The following AP3S2 variants were observed in gnomAD, a reference collection of about 807,000 sequenced individuals.
AP3S2 encodes adaptor related protein complex 3 subunit sigma 2.
A neutral mutation model predicts 23.4 loss-of-function variants in AP3S2; 22 were observed. The ratio of observed to expected loss-of-function variants is 0.94; its 90% CI spans 0.67 to 1.34. AP3S2 has a LOEUF of 1.34. AP3S2 is among the 40% of genes most tolerant of loss of function. AP3S2 has a pLI of 0.00. For missense variants in AP3S2, 241 were observed against 236.9 expected (o/e 1.02, Z -0.11); for synonymous variants, 86 against 87.1 (o/e 0.99, Z 0.07).
Position 89,832,061 on chromosome 15 carries a change from G to C in AP3S2, c.*3454C>G, listed in dbSNP as rs533494674. On this transcript the variant is annotated 3_prime_UTR_variant, in exon 6 of 6. Coordinates refer to ENST00000336418, the MANE Select transcript of AP3S2 (RefSeq NM_005829.5). ...CCTTGTTTCTCTCTTAATCTTCAGA[G>C]CCTAGAACTGAGCTTGGCCCTCACC... The C allele has an allele frequency of 1.1e-4, 17 of 152,294 alleles. No individual in the cohort carries two copies. The highest frequency in any genetic ancestry group is 3.3e-4 in the Admixed American group (5 of 15,308). The allele number at this position is 152,294 out of a possible 1,614,324, so 9.4% of individuals were successfully genotyped here.
intron 1 of AP3S2, among the ~76,000 whole-genome samples, chr15:89,890,132 C>T (rs968589070): frequency 4.0e-5 from 6 of 151,464 alleles, no homozygotes; most frequent in African/African-American, 7.3e-5. Flanking sequence ...CTCATTGCAA[C>T]CTCCACCTCC....
intron 4 of AP3S2, among the ~76,000 whole-genome samples, chr15:89,871,160 A>G (rs888807806): frequency 2.6e-5 from 4 of 152,246 alleles, no homozygotes; most frequent in African/African-American, 4.8e-5. Flanking sequence ...TATAATCAGC[A>G]TAAAACTATT....
chr15:89,844,365 T>C (rs1477343014), intron 4 of AP3S2, among the ~76,000 whole-genome samples: 1 of 151,418 alleles, frequency 6.6e-6, no homozygotes, highest in Admixed American at 6.6e-5. Context: ...AGAGACAGGG[T>C]CTTGCTCTGT....
intron 3 of AP3S2, among the ~76,000 whole-genome samples, chr15:89,885,111 G>C (rs1359855262): frequency 6.6e-6 from 1 of 151,998 alleles, no homozygotes; most frequent in African/African-American, 2.4e-5. Context: ...CCCCATTAGG[G>C]AGTCAGTTCT....
chr15:89,888,140 T>C (rs556248137), intron 3 of AP3S2, among the ~76,000 whole-genome samples: 12 of 152,322 alleles, frequency 7.9e-5, no homozygotes, highest in African/African-American at 2.9e-4. Context: ...TTCAAGTACT[T>C]AAAAGAAGCT....
intron 3 of AP3S2, chr15:89,886,534 A>G (rs1398620078): frequency 6.6e-6 from 1 of 152,044 alleles, no homozygotes; most frequent in Non-Finnish European, 1.5e-5. Flanking sequence ...GCATAGTGGC[A>G]ATGCTAATCT....
rs1189247510 is a variant in AP3S2 at position 89,833,217 on chromosome 15, G to A, written c.*2298C>T. On this transcript the variant is annotated 3_prime_UTR_variant, in exon 6 of 6. Coordinates refer to ENST00000336418, the MANE Select transcript of AP3S2 (RefSeq NM_005829.5). Reference sequence around the variant, plus strand: ...CGGCTTCAACATCAGTTAAATGGAGGGACACAGACGACTCTTTGGCTCTTA... The same window carrying A: ...CGGCTTCAACATCAGTTAAATGGAGAGACACAGACGACTCTTTGGCTCTTA... The A allele has an allele frequency of 1.3e-5, 2 of 152,124 alleles. No individual in the cohort carries two copies. Among genetic ancestry groups the A allele is most frequent in the African/African-American group, 4.8e-5 (2 of 41,406 alleles). 9.4% of individuals were successfully genotyped at this position (152,124 alleles called of 1,614,324 possible).
At chr15:89,889,021 G>A in intron 2 of AP3S2, 28 bp downstream of exon 2, 8 of 1,613,458 alleles carry the variant, frequency 5.0e-6, no homozygotes, top group Non-Finnish European at 1.7e-6. Flanking sequence ...GTGGATATAT[G>A]GGGAGAAAAA....
rs538744384 is a variant in AP3S2, at chr15:89,852,401, C to T, written c.346-14679G>A. The T allele has an allele frequency of 2.0e-5, 3 of 152,362 alleles. No individual in the cohort carries two copies. In the South Asian group the frequency reaches 6.2e-4, roughly 32 times the overall value. 9.4% of individuals were successfully genotyped at this position (152,362 alleles called of 1,614,324 possible). On this transcript the variant is annotated intron_variant, in intron 4 of 5. Transcript: ENST00000336418. ...GGATTCTGTTCTTTGGCTCCTGCAA[C>T]AGTATAGATCCTTCACTCTGGTGAC...
Position 89,837,678 on chromosome 15 carries a change from C to T in AP3S2, c.390G>A (p.Leu130=). Residue 130 remains leucine, a synonymous_variant, in exon 5 of 6, where the codon TTG becomes TTA. Transcript: ENST00000336418. The stretch of plus-strand genomic sequence containing the variant: ...CCACGATTTCATTCATGTTTGTTTC[C>T]AACACCATCCCACCCATCACCACCT... The part of the protein sequence containing the change: ...LQEVVMGGMV[L]ETNMNEIVAQ... 1.2e-6 allele frequency: 2 copies of T among 1,614,122 alleles called. No individual in the cohort carries two copies.
At chr15:89,859,940 T>A (rs1895973344) in intron 4 of AP3S2, among the ~76,000 whole-genome samples, 2 of 151,666 alleles carry the variant, frequency 1.3e-5, no homozygotes, top group South Asian at 4.2e-4. Context: ...ATTTTTTGTA[T>A]TTTTTAGTAG....
intron 4 of AP3S2, among the ~76,000 whole-genome samples, chr15:89,868,799 C>T (rs1156625251): frequency 6.0e-5 from 7 of 116,124 alleles, no homozygotes; most frequent in Admixed American, 1.6e-4. Context: ...CCCGGCCAGC[C>T]GCCCCGTCCG....
chr15:89,892,576 G>GA (rs1026337523), intron 1 of AP3S2, among the ~76,000 whole-genome samples: 1 of 152,070 alleles, frequency 6.6e-6, no homozygotes, highest in Non-Finnish European at 1.5e-5. Flanking sequence ...AACCCTGTTA[G>GA]AAAAAAACTA....
intron 4 of AP3S2, among the ~76,000 whole-genome samples, chr15:89,844,261 T>TA: frequency 3.2e-5 from 1 of 30,810 alleles, no homozygotes; most frequent in Non-Finnish European, 7.8e-5. Context: ...CTTTCTTTCT[T>TA]TCTTTCTTTC....
chr15:89,885,784 T>C (rs1402669717), intron 3 of AP3S2, among the ~76,000 whole-genome samples: 1 of 151,232 alleles, frequency 6.6e-6, no homozygotes, highest in Admixed American at 6.6e-5. Flanking sequence ...TCTAAAAAAT[T>C]CAAAAAATTA....
rs1254304602 is a variant in AP3S2 at position 89,831,972 on chromosome 15, C to CTAT, written c.*3540_*3542dup. On this transcript the variant is annotated 3_prime_UTR_variant, in exon 6 of 6. Coordinates refer to ENST00000336418, the MANE Select transcript of AP3S2 (RefSeq NM_005829.5). Reference sequence around the variant, plus strand: ...AAATTCAGGCTGCCAGTCCGATGCACTATATCCCAACAATCTGAGCACTCT... The same window carrying CTAT: ...AAATTCAGGCTGCCAGTCCGATGCACTATTATATCCCAACAATCTGAGCACTCT... 1 of 152,266 alleles carries CTAT rather than the reference C, an allele frequency of 6.6e-6. No individual in the cohort carries two copies. Among genetic ancestry groups the CTAT allele is most frequent in the Non-Finnish European group, 1.5e-5 (1 of 68,056 alleles). The allele number at this position is 152,266 out of a possible 1,614,324, so 9.4% of individuals were successfully genotyped here. A position where few individuals can be genotyped will look rare whatever the true frequency, so the allele number is the denominator to read the frequency against.
At chr15:89,872,211 T>A (rs973783919) in intron 3 of AP3S2, among the ~76,000 whole-genome samples, 1 of 152,008 alleles carries the variant, frequency 6.6e-6, no homozygotes, top group Non-Finnish European at 1.5e-5. Flanking sequence ...AATGAATACA[T>A]GTACAAAAAA....
intron 3 of AP3S2, among the ~76,000 whole-genome samples, chr15:89,872,446 T>C (rs539686735): frequency 2.8e-4 from 43 of 152,286 alleles, no homozygotes; most frequent in African/African-American, 9.4e-4. Context: ...AACAGAAAAG[T>C]GTACAAATGA....
chr15:89,868,185 T>A (rs377435909), intron 4 of AP3S2, among the ~76,000 whole-genome samples: 2 of 22,738 alleles, frequency 8.8e-5, no homozygotes, highest in African/African-American at 1.4e-4. Context: ...GCCCCCCGCC[T>A]GGCCAGCTGC....
Sources: allele counts gnomAD v4.1 joint callset (sites outside exome capture counted in the v4.1 genomes callset), GRCh38; gene constraint gnomAD v4.1.1; transcripts MANE v1.5; gene names NCBI Gene and HGNC (gene_info 2026-07-23, HGNC 2026-07-21).